The following FBN2 variants were observed in gnomAD, a reference collection of about 807,000 sequenced individuals.
The protein encoded by FBN2 is fibrillin 2.
Under a neutral mutation model 355.6 loss-of-function variants are expected in FBN2, and 105 were observed. That is an observed-to-expected ratio of 0.30 (90% CI 0.25 to 0.35). The LOEUF is 0.35. FBN2 is among the 10% of genes least tolerant of loss of function. FBN2 has a pLI of 1.00. For missense variants in FBN2, 3,280 were observed against 3,758.7 expected, an observed-to-expected ratio of 0.87 and a Z score of 3.33; for synonymous variants, 1,350 against 1,301.2, an observed-to-expected ratio of 1.04 and a Z score of -0.81.
intron 5 of FBN2, among the ~76,000 whole-genome samples, chr5:128,497,985 G>GT (rs1239589445): frequency 6.6e-6 from 1 of 150,844 alleles, no homozygotes; most frequent in African/African-American, 2.5e-5. Context: ...AAAGCAAAAG[G>GT]AAGCCCAACC....
chr5:128,363,806 C>T (rs1048791332), intron 18 of FBN2, among the ~76,000 whole-genome samples: 1 of 152,102 alleles, frequency 6.6e-6, no homozygotes, highest in Non-Finnish European at 1.5e-5. Context: ...TATTATAGCA[C>T]GTAATATAAA....
At position 128,305,757 on chromosome 5, in the gene FBN2, A is replaced by ACCATCT. The variant is rs1749853067; in HGVS notation, c.5548+60_5548+65dup. 8 of 1,603,008 alleles carry ACCATCT rather than the reference A, an allele frequency of 5.0e-6. No homozygotes were observed. The East Asian group carries it at 1.8e-4, about 36-fold the overall frequency. ...GTAGAAGAAATAGTAAAAATCAGAA[A>ACCATCT]CCATCTAAATGCTATATATGTATAC... On this transcript the variant is annotated intron_variant, in intron 43 of 64. Coordinates refer to ENST00000262464, the MANE Select transcript of FBN2 (RefSeq NM_001999.4).
intron 5 of FBN2, among the ~76,000 whole-genome samples, chr5:128,497,029 T>C (rs1437462415): frequency 6.6e-6 from 1 of 152,082 alleles, no homozygotes. Flanking sequence ...AAAACATTGT[T>C]GAAATAAATG....
intron 15 of FBN2, 107 bp from the exon 16 acceptor site, chr5:128,369,441 A>T: frequency 1.9e-6 from 2 of 1,048,596 alleles, no homozygotes. Context: ...GAAGCTTTTC[A>T]AGGGCATCTG....
intron 7 of FBN2, among the ~76,000 whole-genome samples, chr5:128,444,174 G>A (rs1241327475): frequency 2.8e-5 from 4 of 142,206 alleles, no homozygotes; most frequent in Admixed American, 1.5e-4. Flanking sequence ...CTGGGTTCAC[G>A]CCATTCTCCT....
chr5:128,352,929 T>C (rs1340998174), intron 20 of FBN2, among the ~76,000 whole-genome samples: 1 of 152,110 alleles, frequency 6.6e-6, no homozygotes, highest in Admixed American at 6.5e-5. Context: ...TCCCAGCACT[T>C]TGGGAGGCTG....
chr5:128,416,288 G>C (rs1753196220), intron 7 of FBN2, among the ~76,000 whole-genome samples: 1 of 152,176 alleles, frequency 6.6e-6, no homozygotes, highest in African/African-American at 2.4e-5. Flanking sequence ...GCCTCCCAAA[G>C]TGTTGGGATT....
chr5:128,490,724 A>G (rs1581343376), intron 5 of FBN2, among the ~76,000 whole-genome samples: 1 of 152,226 alleles, frequency 6.6e-6, no homozygotes, highest in East Asian at 1.9e-4. Context: ...TGTTTGGCAC[A>G]TGGCACATGT....
At chr5:128,387,880 T>C in intron 11 of FBN2, among the ~76,000 whole-genome samples, 1 of 152,128 alleles carries the variant, frequency 6.6e-6, no homozygotes, top group Non-Finnish European at 1.5e-5. Context: ...GTGTTGAATT[T>C]AAGTCTTGAA....
chr5:128,293,808 C>A (rs1749405472), intron 48 of FBN2, among the ~76,000 whole-genome samples: 1 of 151,876 alleles, frequency 6.6e-6, no homozygotes, highest in Non-Finnish European at 1.5e-5. Context: ...GGAAGAACAA[C>A]AGGATCTTAA....
intron 27 of FBN2, among the ~76,000 whole-genome samples, chr5:128,337,211 A>G (rs190893869): frequency 6.6e-6 from 1 of 152,346 alleles, no homozygotes; most frequent in Non-Finnish European, 1.5e-5. Context: ...CTATTTATCT[A>G]TGACAAAATT....
At position 128,332,926 on chromosome 5, in the gene FBN2, C is replaced by T. The variant is rs750327890; in HGVS notation, c.4208G>A (p.Gly1403Asp). 2 of 1,613,912 alleles carry T rather than the reference C, an allele frequency of 1.2e-6. No individual in the cohort carries two copies. Among genetic ancestry groups the T allele is most frequent in the Admixed American group, 3.3e-5 (2 of 60,024 alleles). Reference sequence around the variant, plus strand: ...TGCAAACTCACCAATACACTTGATGCCGTTTCCAATCCAGCCTTCTCTGCA... The same window carrying T: ...TGCAAACTCACCAATACACTTGATGTCGTTTCCAATCCAGCCTTCTCTGCA... The part of the protein sequence containing the change: ...CSCREGWIGN[G>D]IKCIDLDECS... Residue 1403 changes from glycine to aspartate, a missense_variant, in exon 32 of 65, where the codon GGC becomes GAC. By Grantham distance (94) the Gly-to-Asp change is moderately conservative (BLOSUM62 -1). Coordinates refer to ENST00000262464, the MANE Select transcript of FBN2 (RefSeq NM_001999.4).
intron 14 of FBN2, among the ~76,000 whole-genome samples, chr5:128,376,043 A>T (rs543330393): frequency 3.3e-5 from 5 of 152,258 alleles, no homozygotes; most frequent in African/African-American, 9.6e-5. Context: ...CTCAAAAATA[A>T]ATAAATTTAA....
intron 6 of FBN2, among the ~76,000 whole-genome samples, chr5:128,451,255 A>G (rs1394898517): frequency 6.6e-6 from 1 of 152,184 alleles, no homozygotes; most frequent in Non-Finnish European, 1.5e-5. Context: ...GTATTTTTGT[A>G]CTGAATTAAA....
chr5:128,417,592 A>C (rs943285243), intron 7 of FBN2, among the ~76,000 whole-genome samples: 8 of 152,166 alleles, frequency 5.3e-5, no homozygotes, highest in Admixed American at 3.9e-4. Context: ...CTTTTCCTGC[A>C]TCTATTGAGA....
At chr5:128,503,622 G>A (rs1755874438) in intron 5 of FBN2, among the ~76,000 whole-genome samples, 1 of 152,162 alleles carries the variant, frequency 6.6e-6, no homozygotes, top group Non-Finnish European at 1.5e-5. Flanking sequence ...AGAGGTCTGT[G>A]GAACTTCGAG....
chr5:128,514,669 T>A (rs1284389442), intron 5 of FBN2, among the ~76,000 whole-genome samples: 3 of 152,200 alleles, frequency 2.0e-5, no homozygotes, highest in Admixed American at 1.3e-4. Context: ...AAAGCACGTA[T>A]AACTTACTCT....
intron 64 of FBN2, among the ~76,000 whole-genome samples, chr5:128,260,995 G>T (rs1764951361): frequency 6.6e-6 from 1 of 152,156 alleles, no homozygotes; most frequent in African/African-American, 2.4e-5. Flanking sequence ...TATATGTCAG[G>T]CATTGTTCCA....
At chr5:128,535,898 C>G (rs368784801) in intron 2 of FBN2, among the ~76,000 whole-genome samples, 10 of 151,212 alleles carry the variant, frequency 6.6e-5, no homozygotes, top group African/African-American at 2.4e-4. Flanking sequence ...ACTAAATCCG[C>G]GAGAATGCTC....
Sources: allele counts gnomAD v4.1 joint callset (sites outside exome capture counted in the v4.1 genomes callset), GRCh38; gene constraint gnomAD v4.1.1; transcripts MANE v1.5; gene names NCBI Gene and HGNC (gene_info 2026-07-23, HGNC 2026-07-21).